The following PCTP variants were observed in gnomAD, a reference collection of about 807,000 sequenced individuals.
PCTP encodes phosphatidylcholine transfer protein, also known as START domain-containing protein 2.
In PCTP, 27 loss-of-function variants were observed where a neutral mutation model predicts 31.0. The ratio of observed to expected loss-of-function variants is 0.87; its 90% CI spans 0.64 to 1.20. The LOEUF (loss-of-function observed/expected upper bound fraction) is 1.20, where lower values mean the gene tolerates loss of function less well. Ranked by LOEUF, PCTP falls within the 50% of genes most tolerant of loss-of-function variation. The pLI is 0.00. For synonymous variants in PCTP, 108 were observed against 101.2 expected, an observed-to-expected ratio of 1.07 and a Z score of -0.40; for missense variants, 287 against 268.2, an observed-to-expected ratio of 1.07 and a Z score of -0.49.
rs186256815 is a variant in PCTP, at chr17:55,777,311, C to G, written c.*1211C>G. 3.6e-3 allele frequency: 3,560 copies of G among 984,350 alleles called. 12 individuals carry two copies. Among genetic ancestry groups the G allele is most frequent in the Middle Eastern group, 0.018 (34 of 1,910 alleles). 61.0% of individuals were successfully genotyped at this position (984,350 alleles called of 1,614,324 possible). A position where few individuals can be genotyped will look rare whatever the true frequency, so the allele number is the denominator to read the frequency against. The stretch of plus-strand genomic sequence containing the variant: ...ATTTATTAATGTGGGATACCTCAGA[C>G]TGTTTGTTTTCTTTCTGGGAAGAAA... On this transcript the variant is annotated 3_prime_UTR_variant, in exon 6 of 6. Coordinates refer to ENST00000268896, the MANE Select transcript of PCTP (RefSeq NM_021213.4).
intron 1 of PCTP, among the ~76,000 whole-genome samples, chr17:55,765,971 C>G (rs1251064078): frequency 3.3e-5 from 5 of 152,194 alleles, no homozygotes; most frequent in African/African-American, 4.8e-5. Context: ...ACATTTGGAA[C>G]AAGATGCTCT....
At chr17:55,832,046 G>A (rs1199687278) in intron 5 of PCTP, among the ~76,000 whole-genome samples, 1 of 152,162 alleles carries the variant, frequency 6.6e-6, no homozygotes, top group Non-Finnish European at 1.5e-5. Flanking sequence ...CTGCACTCCA[G>A]CCTGGGCGAC....
chr17:55,786,743 A>G (rs1911761012), intron 2 of PCTP, among the ~76,000 whole-genome samples: 1 of 152,112 alleles, frequency 6.6e-6, no homozygotes, highest in Non-Finnish European at 1.5e-5. Context: ...TTTTGTGGTC[A>G]TCTTGTGCAG....
At chr17:55,829,359 G>A (rs1170074001) in intron 5 of PCTP, among the ~76,000 whole-genome samples, 1 of 152,150 alleles carries the variant, frequency 6.6e-6, no homozygotes, top group Non-Finnish European at 1.5e-5. Flanking sequence ...CACCCAGGCT[G>A]GAGTGCAATG....
chr17:55,811,485 A>T (rs970590338), intron 3 of PCTP, among the ~76,000 whole-genome samples: 2 of 152,178 alleles, frequency 1.3e-5, no homozygotes, highest in African/African-American at 4.8e-5. Context: ...TAAAACAGAG[A>T]TCTCTCACCC....
chr17:55,803,154 G>T (rs542760242), intron 3 of PCTP, among the ~76,000 whole-genome samples: 9 of 152,236 alleles, frequency 5.9e-5, no homozygotes, highest in African/African-American at 2.2e-4. Flanking sequence ...ACTTACAAGG[G>T]ATTTGAAGGA....
At chr17:55,787,388 C>G (rs1911784156) in intron 2 of PCTP, among the ~76,000 whole-genome samples, 1 of 151,750 alleles carries the variant, frequency 6.6e-6, no homozygotes. Context: ...GAGTCTTGCT[C>G]TGTCACCCAG....
intron 3 of PCTP, among the ~76,000 whole-genome samples, chr17:55,802,466 C>A (rs1400598266): frequency 6.6e-6 from 1 of 152,150 alleles, no homozygotes; most frequent in African/African-American, 2.4e-5. Flanking sequence ...ATGTGAAAAT[C>A]CTCAATAAAA....
At chr17:55,794,339 C>T (rs1912110850) in intron 3 of PCTP, among the ~76,000 whole-genome samples, 1 of 151,746 alleles carries the variant, frequency 6.6e-6, no homozygotes, top group Admixed American at 6.6e-5. Flanking sequence ...CTTGGACAAC[C>T]TTATATGGAG....
At chr17:55,763,772 A>C (rs1363289656) in intron 1 of PCTP, among the ~76,000 whole-genome samples, 1 of 152,230 alleles carries the variant, frequency 6.6e-6, no homozygotes, top group Non-Finnish European at 1.5e-5. Flanking sequence ...TAATTATAAA[A>C]AACTATTTTT....
chr17:55,831,660 C>T (rs575034351), intron 5 of PCTP, among the ~76,000 whole-genome samples: 90 of 152,346 alleles, frequency 5.9e-4, no homozygotes, highest in South Asian at 5.8e-3. Flanking sequence ...TTGTCTCACT[C>T]AATATCTGTT....
chr17:55,826,705 G>T (rs1310219607), downstream of PCTP, among the ~76,000 whole-genome samples: 1 of 152,136 alleles, frequency 6.6e-6, no homozygotes, highest in Non-Finnish European at 1.5e-5. Flanking sequence ...TGAAATCTTG[G>T]CCAAGTTCCG....
At chr17:55,795,272 C>A (rs939637901) in intron 3 of PCTP, among the ~76,000 whole-genome samples, 25 of 152,050 alleles carry the variant, frequency 1.6e-4, no homozygotes, top group African/African-American at 6.0e-4. Flanking sequence ...GGCATTGTAA[C>A]TTCACGTAGT....
At chr17:55,751,632 T>C (rs1370728797) in intron 1 of PCTP, among the ~76,000 whole-genome samples, 1 of 151,920 alleles carries the variant, frequency 6.6e-6, no homozygotes, top group Non-Finnish European at 1.5e-5. Flanking sequence ...GGAGGGGCGG[T>C]ATCTTAGGGC....
At chr17:55,772,624 G>A (rs1312187240) in intron 3 of PCTP, among the ~76,000 whole-genome samples, 3 of 151,648 alleles carry the variant, frequency 2.0e-5, no homozygotes, top group Admixed American at 6.6e-5. Context: ...AGGCTGAGAC[G>A]GCTGCCATGT....
In PCTP at chr17:55,776,455, A is replaced by C. The variant is rs1597990713; in HGVS notation, c.*355A>C. ...AGGGAACACGATCATTCCATTGTGC[A>C]ATTTTACGGGGATGGGTGGGCGGAG... On this transcript the variant is annotated 3_prime_UTR_variant, in exon 6 of 6. Transcript: ENST00000268896. 23 of 1,232,200 alleles carry C rather than the reference A, an allele frequency of 1.9e-5. No individual in the cohort carries two copies. The East Asian group carries it at 6.9e-4, about 37-fold the overall frequency. The allele number at this position is 1,232,200 out of a possible 1,614,324, so 76.3% of individuals were successfully genotyped here. A position where few individuals can be genotyped will look rare whatever the true frequency, so the allele number is the denominator to read the frequency against.
At chr17:55,816,561 G>C (rs1454391939) in intron 3 of PCTP, among the ~76,000 whole-genome samples, 1 of 152,186 alleles carries the variant, frequency 6.6e-6, no homozygotes, top group Non-Finnish European at 1.5e-5. Context: ...CATTACCCAT[G>C]GCGTGTTAAT....
intron 1 of PCTP, among the ~76,000 whole-genome samples, chr17:55,755,677 C>A (rs1302539445): frequency 6.6e-6 from 1 of 152,128 alleles, no homozygotes; most frequent in African/African-American, 2.4e-5. Context: ...TGTCCAACAC[C>A]ATTATCTTTT....
Position 55,815,320 on chromosome 17 carries a change from G to A in PCTP, c.318-7441G>A, listed in dbSNP as rs531547882. On this transcript the variant is annotated intron_variant, in intron 3 of 3. Coordinates refer to the PCTP transcript ENST00000572536. Reference sequence around the variant, plus strand: ...GATAGTAGAGAGGGAGTTCAGCAAAGGTAAATGTGGAAATACATCTTTTAA... The same window carrying A: ...GATAGTAGAGAGGGAGTTCAGCAAAAGTAAATGTGGAAATACATCTTTTAA... 1.1e-4 allele frequency among the ~76,000 whole-genome samples: 17 copies of A among 152,252 alleles called. 1 individual carries two copies. Among genetic ancestry groups the A allele is most frequent in the Middle Eastern group, 3.4e-3 (1 of 294 alleles).
Sources: allele counts gnomAD v4.1 joint callset (sites outside exome capture counted in the v4.1 genomes callset), GRCh38; gene constraint gnomAD v4.1.1; transcripts MANE v1.5; gene names NCBI Gene and HGNC (gene_info 2026-07-23, HGNC 2026-07-21).